MAK16: variants seen among roughly 807,000 people sequenced by gnomAD.
MAK16 encodes the protein MAK16 homolog.
MAK16 carries 12 observed loss-of-function variants against 49.9 expected under a neutral mutation model. The ratio of observed to expected loss-of-function variants is 0.24; its 90% CI spans 0.15 to 0.39. The LOEUF (loss-of-function observed/expected upper bound fraction) is 0.39. MAK16 is among the 10% of genes least tolerant of loss of function. The probability of loss-of-function intolerance (pLI) is 1.00; values close to 1 mark genes in which losing one functional copy is unlikely to be tolerated. For synonymous variants in MAK16, 115 were observed against 126.4 expected (o/e 0.91, Z 0.60); for missense variants, 292 against 363.7 (o/e 0.80, Z 1.60).
chr8:33,491,696 C>T (rs991176184), intron 6 of MAK16, among the ~76,000 whole-genome samples: 11 of 131,986 alleles, frequency 8.3e-5, no homozygotes, highest in African/African-American at 3.0e-4. Flanking sequence ...TGCAGTGGTG[C>T]GATCTTGGCT....
chr8:33,499,342 G>C lies in MAK16; in HGVS notation c.*713G>C. 8.7e-7 allele frequency: 1 copy of C among 1,154,916 alleles called. No individual in the cohort carries two copies. Among genetic ancestry groups the C allele is most frequent in the Non-Finnish European group, 1.3e-6 (1 of 773,762 alleles). The allele number at this position is 1,154,916 out of a possible 1,614,324, so 71.5% of individuals were successfully genotyped here. A position where few individuals can be genotyped will look rare whatever the true frequency, so the allele number is the denominator to read the frequency against. On this transcript the variant is annotated 3_prime_UTR_variant, in exon 10 of 10. Coordinates refer to ENST00000360128, the MANE Select transcript of MAK16 (RefSeq NM_032509.4). ...TTTTAATTACTTTCCCCTTTTGCTT[G>C]ATTCTTCTTCCTTGGTATCATATTC...
In MAK16 at chr8:33,499,760, G is replaced by A. The variant is rs1808996288; in HGVS notation, c.*1131G>A. On this transcript the variant is annotated 3_prime_UTR_variant, in exon 10 of 10. Transcript: ENST00000360128. ...AATCTTCAACTAAAGATTTCTAAAA[G>A]GGGTAAGAAATGAGGCAGTAGTTTA... is the stretch of plus-strand genomic sequence containing the variant. The A allele has an allele frequency of 6.1e-6, 1 of 163,348 alleles. No homozygotes were observed. The highest frequency in any genetic ancestry group is 1.7e-4 in the South Asian group (1 of 6,038). The allele number at this position is 163,348 out of a possible 1,614,324, so 10.1% of individuals were successfully genotyped here.
Position 33,500,385 on chromosome 8 carries a change from T to C in MAK16, c.*1756T>C, listed in dbSNP as rs746607834. 19 of 1,614,054 alleles carry C rather than the reference T, an allele frequency of 1.2e-5. No homozygotes were observed. The highest frequency in any genetic ancestry group is 2.7e-5 in the African/African-American group (2 of 74,926). On this transcript the variant is annotated 3_prime_UTR_variant, in exon 10 of 10. Coordinates refer to ENST00000360128, the MANE Select transcript of MAK16 (RefSeq NM_032509.4). ...GAATCAGGCAGTCTGTGGCCTCCTG[T>C]AGCAGGGCGCTCTTAACAGACTCAG...
intron 6 of MAK16, among the ~76,000 whole-genome samples, chr8:33,492,751 C>CT (rs1808797369): frequency 6.6e-6 from 1 of 152,030 alleles, no homozygotes; most frequent in Admixed American, 6.6e-5. Flanking sequence ...TTCCATTGGT[C>CT]TCTGTGTCTG....
In MAK16 at chr8:33,498,674, T is replaced by G. The variant is rs1324347393; in HGVS notation, c.*45T>G. On this transcript the variant is annotated 3_prime_UTR_variant, in exon 10 of 10. Transcript: ENST00000360128. Reference sequence around the variant, plus strand: ...ACCCAGGACTGAACATGCAGAACTGTTTTTTTTTTTTTTTTATCTTAAACA... The same window carrying G: ...ACCCAGGACTGAACATGCAGAACTGGTTTTTTTTTTTTTTTATCTTAAACA... 4 of 418,756 alleles carry G rather than the reference T, an allele frequency of 9.6e-6. No homozygotes were observed. The highest frequency in any genetic ancestry group is 1.2e-5 in the Non-Finnish European group (4 of 326,180). The allele number at this position is 418,756 out of a possible 1,614,324, so 25.9% of individuals were successfully genotyped here.
chr8:33,489,437 C>T lies in MAK16; in HGVS notation c.392+298C>T, dbSNP rs1808742995. 2.7e-5 allele frequency: 8 copies of T among 299,502 alleles called. No individual in the cohort carries two copies. The highest frequency in any genetic ancestry group is 2.4e-4 in the South Asian group (6 of 24,994). 18.6% of individuals were successfully genotyped at this position (299,502 alleles called of 1,614,324 possible). A position where few individuals can be genotyped will look rare whatever the true frequency, so the allele number is the denominator to read the frequency against. ...TCGCCCAGGCTGGAATTTGCAGTGG[C>T]GCGACCTCAGCTCACTGCAACCTCC... On this transcript the variant is annotated intron_variant, in intron 5 of 9. Coordinates refer to ENST00000360128, the MANE Select transcript of MAK16 (RefSeq NM_032509.4). This position sits in a 1 kb window ranked among gnomAD's most constrained non-coding sequence, Gnocchi z 4.2.
At chr8:33,493,682 C>T (rs1420637644) in intron 6 of MAK16, among the ~76,000 whole-genome samples, 1 of 151,828 alleles carries the variant, frequency 6.6e-6, no homozygotes, top group African/African-American at 2.4e-5. Context: ...GTTTTCATCT[C>T]CAGTTGTCAA....
intron 7 of MAK16, among the ~76,000 whole-genome samples, chr8:33,496,111 CTA>C (rs991692287): frequency 6.6e-6 from 1 of 152,172 alleles, no homozygotes; most frequent in African/African-American, 2.4e-5. Flanking sequence ...ACTCCATTCA[CTA>C]TAAGAGACCT....
At chr8:33,497,965 G>A (rs1019633095) in intron 9 of MAK16, among the ~76,000 whole-genome samples, 11 of 151,804 alleles carry the variant, frequency 7.2e-5, no homozygotes, top group African/African-American at 2.7e-4. Flanking sequence ...GTATGGTGGT[G>A]CATGCCTGTA....
In MAK16 at chr8:33,499,419, G is replaced by A; in HGVS notation, c.*790G>A. Reference sequence around the variant, plus strand: ...AGGGACAGGTCACTAAGCAGAATAGGTATTAGTTGGTTTTTTATTATTTTT... The same window carrying A: ...AGGGACAGGTCACTAAGCAGAATAGATATTAGTTGGTTTTTTATTATTTTT... On this transcript the variant is annotated 3_prime_UTR_variant, in exon 10 of 10. Coordinates refer to ENST00000360128, the MANE Select transcript of MAK16 (RefSeq NM_032509.4). 1 of 646,594 alleles carries A rather than the reference G, an allele frequency of 1.5e-6. No individual in the cohort carries two copies. Among genetic ancestry groups the A allele is most frequent in the South Asian group, 1.8e-5 (1 of 56,298 alleles). 40.1% of individuals were successfully genotyped at this position (646,594 alleles called of 1,614,324 possible).
chr8:33,497,350 A>G, intron 9 of MAK16, 53 bp downstream of exon 9: 1 of 1,105,972 alleles, frequency 9.0e-7, no homozygotes, highest in Non-Finnish European at 1.3e-6. Flanking sequence ...AAAAAAAAAA[A>G]AAAACAAAAA....
At position 33,499,408 on chromosome 8, in the gene MAK16, A is replaced by G; in HGVS notation, c.*779A>G. 1 of 699,828 alleles carries G rather than the reference A, an allele frequency of 1.4e-6. No homozygotes were observed. Among genetic ancestry groups the G allele is most frequent in the Non-Finnish European group, 2.5e-6 (1 of 394,612 alleles). The allele number at this position is 699,828 out of a possible 1,614,324, so 43.4% of individuals were successfully genotyped here. On this transcript the variant is annotated 3_prime_UTR_variant, in exon 10 of 10. Transcript: ENST00000360128. ...GGATGACACTTAGGGACAGGTCACT[A>G]AGCAGAATAGGTATTAGTTGGTTTT...
At chr8:33,494,611 T>C (rs564369949) in intron 6 of MAK16, among the ~76,000 whole-genome samples, 5 of 152,350 alleles carry the variant, frequency 3.3e-5, no homozygotes, top group African/African-American at 9.6e-5. Context: ...ATTTACTTTA[T>C]AGACAGAGTC....
intron 1 of MAK16, among the ~76,000 whole-genome samples, chr8:33,486,536 A>T (rs1015436958): frequency 6.6e-6 from 1 of 152,234 alleles, no homozygotes; most frequent in African/African-American, 2.4e-5. Context: ...TGGGTGACAG[A>T]GAGACCCTAT....
chr8:33,489,222 G>C lies in MAK16; in HGVS notation c.392+83G>C. The C allele has an allele frequency of 7.8e-7, 1 of 1,283,134 alleles. No individual in the cohort carries two copies. The highest frequency in any genetic ancestry group is 1.4e-5 in the South Asian group (1 of 72,674). The allele number at this position is 1,283,134 out of a possible 1,614,324, so 79.5% of individuals were successfully genotyped here. On this transcript the variant is annotated intron_variant, in intron 5 of 9. Transcript: ENST00000360128. This position sits in a 1 kb window ranked among gnomAD's most constrained non-coding sequence, Gnocchi z 4.2. ...AAGTTGAGAAATTGTGAAACTTCGG[G>C]GCTTTCTATTCAACTTTGTGGAGTC... is the stretch of plus-strand genomic sequence containing the variant.
Position 33,498,769 on chromosome 8 carries a change from C to A in MAK16, c.*140C>A. 1.3e-6 allele frequency: 1 copy of A among 753,350 alleles called. No individual in the cohort carries two copies. Among genetic ancestry groups the A allele is most frequent in the Non-Finnish European group, 2.1e-6 (1 of 470,796 alleles). 46.7% of individuals were successfully genotyped at this position (753,350 alleles called of 1,614,324 possible). On this transcript the variant is annotated 3_prime_UTR_variant, in exon 10 of 10. Transcript: ENST00000360128. ...AATATTTGTGTTTTTATTATTTATG[C>A]CACGTCAGTGGGGCAAGAAATCTGG...
intron 1 of MAK16, among the ~76,000 whole-genome samples, chr8:33,487,981 C>T (rs1225395629): frequency 6.6e-6 from 1 of 151,678 alleles, no homozygotes; most frequent in South Asian, 2.1e-4. Context: ...CAGGCTGGAG[C>T]GCAATGGCAC....
chr8:33,488,265 A>G (rs1563345797), intron 1 of MAK16, 113 bp from the exon 2 acceptor site: 1 of 1,165,968 alleles, frequency 8.6e-7, no homozygotes, highest in East Asian at 2.3e-5. Flanking sequence ...AAGTCAGGCT[A>G]TTTTACAAAA....
intron 7 of MAK16, among the ~76,000 whole-genome samples, chr8:33,496,298 T>C (rs1050322699): frequency 1.3e-5 from 2 of 152,222 alleles, no homozygotes; most frequent in Non-Finnish European, 2.9e-5. Flanking sequence ...ACAACATGAC[T>C]AAAGTATGCT....
Sources: allele counts gnomAD v4.1 joint callset (sites outside exome capture counted in the v4.1 genomes callset), GRCh38; gene constraint gnomAD v4.1.1; non-coding constraint Gnocchi (gnomAD v3.1); transcripts MANE v1.5; gene names NCBI Gene and HGNC (gene_info 2026-07-23, HGNC 2026-07-21).